Variants in CDIN1 observed in about 807,000 individuals in gnomAD.
CDIN1 encodes the protein CDAN1 interacting nuclease 1.
CDIN1 carries 33 observed loss-of-function variants against 45.3 expected under a neutral mutation model. The ratio of observed to expected loss-of-function variants is 0.73; its 90% CI spans 0.55 to 0.97. The LOEUF (loss-of-function observed/expected upper bound fraction) is 0.97, where lower values mean the gene tolerates loss of function less well. Among genes scored for constraint, CDIN1 ranks in the 50% least tolerant of loss-of-function variants. The pLI is 0.00. For synonymous variants in CDIN1, 118 were observed against 124.4 expected, an observed-to-expected ratio of 0.95 and a Z score of 0.34; for missense variants, 303 against 339.4, an observed-to-expected ratio of 0.89 and a Z score of 0.84.
At chr15:36,753,344 G>T (rs534664188) in intron 10 of CDIN1, among the ~76,000 whole-genome samples, 3 of 152,212 alleles carry the variant, frequency 2.0e-5, no homozygotes, top group Admixed American at 6.5e-5. Flanking sequence ...GCCCCAAACG[G>T]AGCCTCTCAC....
At chr15:36,753,018 A>G (rs116024783) in intron 10 of CDIN1, among the ~76,000 whole-genome samples, 2,156 of 152,290 alleles carry the variant, frequency 0.014, 46 homozygotes, top group African/African-American at 0.05. Flanking sequence ...TTTGTGCAAA[A>G]TAATAATGAG....
intron 10 of CDIN1, among the ~76,000 whole-genome samples, chr15:36,733,160 T>G (rs1386202741): frequency 6.6e-6 from 1 of 152,080 alleles, no homozygotes. Context: ...TATTTTAAGC[T>G]TTGTTTTTTA....
chr15:36,651,740 A>G (rs190271496), intron 3 of CDIN1, among the ~76,000 whole-genome samples: 1 of 152,300 alleles, frequency 6.6e-6, no homozygotes, highest in African/African-American at 2.4e-5. Context: ...GATGGGTTTT[A>G]TCAGTGCCCT....
intron 1 of CDIN1, among the ~76,000 whole-genome samples, chr15:36,621,939 A>G (rs901806103): frequency 4.6e-5 from 7 of 151,654 alleles, no homozygotes; most frequent in Non-Finnish European, 8.8e-5. Flanking sequence ...TGATAGACTA[A>G]ATGAAATCCT....
At chr15:36,645,494 TTGTGTGTGTG>T (rs57349735) in intron 3 of CDIN1, among the ~76,000 whole-genome samples, 15 of 143,470 alleles carry the variant, frequency 1.0e-4, no homozygotes, top group South Asian at 2.3e-4. Context: ...CTGTCTTGAC[TTGTGTGTGTG>T]TGTGTGTGTG....
Position 36,692,175 on chromosome 15 carries a change from AGTATCCTTTCCCAT to A in CDIN1, c.476+1_476+14del. ...GGACCACTAGTGGACTGCATCAAGC[AGTATCCTTTCCCAT>A]AAAATTTTAGGTGCGCAATTGACGA... is the stretch of plus-strand genomic sequence containing the variant. On this transcript the variant is annotated splice_donor_variant and splice_donor_5th_base_variant and intron_variant, in intron 7 of 10. Transcript: ENST00000566621. LOFTEE classifies it high-confidence loss of function. 1 of 1,613,494 alleles carries A rather than the reference AGTATCCTTTCCCAT, an allele frequency of 6.2e-7. No homozygotes were observed. Among genetic ancestry groups the A allele is most frequent in the Non-Finnish European group, 8.5e-7 (1 of 1,179,708 alleles).
Position 36,747,955 on chromosome 15 carries a change from T to A in CDIN1, c.716+37994T>A, listed in dbSNP as rs758660788. ...TCAGCTAATAAGGATTTTAAAAATT[T>A]AACCATGAAGGGAAATAGTCTAGAA... is the stretch of plus-strand genomic sequence containing the variant. On this transcript the variant is annotated intron_variant, in intron 10 of 10. Coordinates refer to ENST00000566621, the MANE Select transcript of CDIN1 (RefSeq NM_001321759.2). Among the ~76,000 whole-genome samples, 64 of 152,304 alleles carry A rather than the reference T, an allele frequency of 4.2e-4. 1 individual carries two copies. The Middle Eastern group carries it at 0.014, about 32-fold the overall frequency.
intron 10 of CDIN1, among the ~76,000 whole-genome samples, chr15:36,765,015 A>G (rs140568171): frequency 3.4e-5 from 5 of 148,812 alleles, no homozygotes; most frequent in Non-Finnish European, 4.5e-5. Context: ...GCCTAGAACT[A>G]CTTTCCTTTG....
intron 10 of CDIN1, among the ~76,000 whole-genome samples, chr15:36,712,258 T>A (rs1345244159): frequency 7.3e-6 from 1 of 137,276 alleles, no homozygotes; most frequent in East Asian, 2.2e-4. Flanking sequence ...TATAGACTAA[T>A]GCTTTTTTTT....
At chr15:36,588,234 T>TA (rs1384813460) in intron 1 of CDIN1, among the ~76,000 whole-genome samples, 1 of 143,972 alleles carries the variant, frequency 6.9e-6, no homozygotes, top group Non-Finnish European at 1.5e-5. Context: ...TAATGGCATT[T>TA]AAAAAAACCT....
In CDIN1 at chr15:36,668,062, C is replaced by T. The variant is rs899945433; in HGVS notation, c.346+10157C>T. The T allele has an allele frequency of 2.0e-5, 3 of 152,080 alleles. 1 individual carries two copies. The highest frequency in any genetic ancestry group is 1.3e-4 in the Admixed American group (2 of 15,266). 9.4% of individuals were successfully genotyped at this position (152,080 alleles called of 1,614,324 possible). A position where few individuals can be genotyped will look rare whatever the true frequency, so the allele number is the denominator to read the frequency against. ...TATTATGTGTAGGTAAATGTTTTGT[C>T]TTCTTCACTAAGCCACCTAATCTCC... On this transcript the variant is annotated intron_variant, in intron 5 of 10. Coordinates refer to ENST00000566621, the MANE Select transcript of CDIN1 (RefSeq NM_001321759.2).
chr15:36,706,732 A>G (rs1010401305), intron 8 of CDIN1: 2 of 152,212 alleles, frequency 1.3e-5, no homozygotes, highest in Non-Finnish European at 2.9e-5. Flanking sequence ...TGTAGAACAG[A>G]CAGTTGGGAC....
At position 36,808,619 on chromosome 15, in the gene CDIN1, GT is replaced by G; in HGVS notation, c.*170del. 2.1e-6 allele frequency: 2 copies of G among 941,042 alleles called. No homozygotes were observed. The highest frequency in any genetic ancestry group is 2.7e-5 in the Admixed American group (1 of 37,066). 58.3% of individuals were successfully genotyped at this position (941,042 alleles called of 1,614,324 possible). A position where few individuals can be genotyped will look rare whatever the true frequency, so the allele number is the denominator to read the frequency against. On this transcript the variant is annotated 3_prime_UTR_variant, in exon 11 of 11. Transcript: ENST00000566621. The stretch of plus-strand genomic sequence containing the variant: ...TTAGACAAACATATCAAGAGTTTCT[GT>G]TTTCCTTCATCCCTTGCTGATGTGA...
At chr15:36,807,463 T>G (rs1330314079) in intron 10 of CDIN1, among the ~76,000 whole-genome samples, 1 of 152,156 alleles carries the variant, frequency 6.6e-6, no homozygotes, top group Non-Finnish European at 1.5e-5. Context: ...GCAAAACATC[T>G]CTCTGTGTGC....
chr15:36,659,223 A>G lies in CDIN1; in HGVS notation c.346+1318A>G, dbSNP rs535124626. 7.2e-5 allele frequency among the ~76,000 whole-genome samples: 11 copies of G among 152,340 alleles called. No individual in the cohort carries two copies. In the South Asian group the frequency reaches 2.3e-3, roughly 32 times the overall value. The stretch of plus-strand genomic sequence containing the variant: ...CATTGACTTGTGAATTATGAAGTTA[A>G]TAGGTTGATCATAAATTTTGTAGCC... On this transcript the variant is annotated intron_variant, in intron 5 of 10. Transcript: ENST00000566621.
At chr15:36,704,121 C>T (rs897731429) in intron 8 of CDIN1, among the ~76,000 whole-genome samples, 1 of 152,068 alleles carries the variant, frequency 6.6e-6, no homozygotes, top group Admixed American at 6.6e-5. Context: ...ATATTCGTGT[C>T]CTCTGCCTTT....
chr15:36,672,995 C>T (rs116605996), intron 5 of CDIN1, among the ~76,000 whole-genome samples: 2,560 of 152,056 alleles, frequency 0.017, 61 homozygotes, highest in African/African-American at 0.058. Context: ...AATGATCAGA[C>T]GAAAAGGCAT....
At position 36,756,107 on chromosome 15, in the gene CDIN1, G is replaced by A. The variant is rs544192593; in HGVS notation, c.716+46146G>A. ...ATAAATAAGTTTGACCCCGAACATG[G>A]TGAGCTTTATTGGTTTATATGGTTT... On this transcript the variant is annotated intron_variant, in intron 10 of 10. Transcript: ENST00000566621. 39 of 455,970 alleles carry A rather than the reference G, an allele frequency of 8.6e-5. 1 individual carries two copies. Among genetic ancestry groups the A allele is most frequent in the South Asian group, 5.0e-4 (32 of 64,560 alleles). 28.2% of individuals were successfully genotyped at this position (455,970 alleles called of 1,614,324 possible). A position where few individuals can be genotyped will look rare whatever the true frequency, so the allele number is the denominator to read the frequency against.
intron 1 of CDIN1, among the ~76,000 whole-genome samples, chr15:36,610,893 G>T (rs377592374): frequency 7.9e-5 from 12 of 152,266 alleles, no homozygotes; most frequent in Admixed American, 3.3e-4. Context: ...GAAGAGTAAT[G>T]GTTTTGTGCT....
Sources: gnomAD v4.1 joint callset for allele counts (sites outside exome capture counted in the v4.1 genomes callset) on GRCh38, gnomAD v4.1.1 for gene constraint, MANE v1.5 for transcripts, NCBI Gene and HGNC (gene_info 2026-07-23, HGNC 2026-07-21) for gene names.